RAB27B: variants seen among roughly 807,000 people sequenced by gnomAD.
RAB27B encodes RAB27B, member RAS oncogene family, also known as ras-related protein Rab-27B.
RAB27B carries 15 observed loss-of-function variants against 24.6 expected under a neutral mutation model. The observed-to-expected ratio is 0.61, with a 90% CI of 0.41 to 0.94. RAB27B has a LOEUF of 0.94. Ranked by LOEUF, RAB27B falls within the 40% of genes least tolerant of loss-of-function variation. RAB27B has a pLI of 0.00. For synonymous variants in RAB27B, 105 were observed against 92.5 expected (o/e 1.14, Z -0.78); for missense variants, 261 against 266.8 (o/e 0.98, Z 0.15).
intron 2 of RAB27B, among the ~76,000 whole-genome samples, chr18:54,806,523 A>G (rs1909794918): frequency 6.7e-6 from 1 of 148,308 alleles, no homozygotes; most frequent in Non-Finnish European, 1.5e-5. Flanking sequence ...AATGTTAGTA[A>G]TGATTATATA....
chr18:54,753,882 G>T (rs1306511869), intron 2 of RAB27B, among the ~76,000 whole-genome samples: 1 of 152,030 alleles, frequency 6.6e-6, no homozygotes, highest in African/African-American at 2.4e-5. Context: ...ACACACTTGG[G>T]GTTTAGAAGA....
rs1159492074 is a variant in RAB27B at position 54,891,444 on chromosome 18, A to T, written c.*2031A>T. 6.6e-6 allele frequency: 1 copy of T among 152,042 alleles called. No homozygotes were observed. The highest frequency in any genetic ancestry group is 1.9e-4 in the East Asian group (1 of 5,182). 9.4% of individuals were successfully genotyped at this position (152,042 alleles called of 1,614,324 possible). A position where few individuals can be genotyped will look rare whatever the true frequency, so the allele number is the denominator to read the frequency against. On this transcript the variant is annotated 3_prime_UTR_variant, in exon 6 of 6. Transcript: ENST00000262094. ...TTATCTCAATGCCTGTGCCATGAAG[A>T]TAGAAAACTGTAAGCTAACATTTAA...
chr18:54,865,299 T>G (rs985251710), intron 1 of RAB27B, among the ~76,000 whole-genome samples: 1 of 151,070 alleles, frequency 6.6e-6, no homozygotes, highest in Non-Finnish European at 1.5e-5. Context: ...TAGTTACAAT[T>G]TGCTTTGTTT....
intron 2 of RAB27B, among the ~76,000 whole-genome samples, chr18:54,821,638 G>A (rs7244800): frequency 0.32 from 48,222 of 152,074 alleles, 8,660 homozygotes; most frequent in African/African-American, 0.47. Context: ...GAGGCATCAC[G>A]CCACCTGACT....
At chr18:54,783,959 A>G (rs1365416134) in intron 2 of RAB27B, among the ~76,000 whole-genome samples, 2 of 152,202 alleles carry the variant, frequency 1.3e-5, no homozygotes, top group South Asian at 2.1e-4. Context: ...GGTAGGGTCA[A>G]TGTTACCCAA....
At position 54,893,986 on chromosome 18, in the gene RAB27B, A is replaced by G. The variant is rs1219820554; in HGVS notation, c.*4573A>G. ...ACTAGTAAAAATATCTGAACAAAAA[A>G]CCTTTCGTTGTTGGCATAAAAATGT... On this transcript the variant is annotated 3_prime_UTR_variant, in exon 6 of 6. Transcript: ENST00000262094. The G allele has an allele frequency of 6.6e-6, 1 of 151,700 alleles. No homozygotes were observed. The highest frequency in any genetic ancestry group is 1.5e-5 in the Non-Finnish European group (1 of 67,816). The allele number at this position is 151,700 out of a possible 1,614,324, so 9.4% of individuals were successfully genotyped here. A position where few individuals can be genotyped will look rare whatever the true frequency, so the allele number is the denominator to read the frequency against.
At chr18:54,743,057 G>A (rs1040140142) in intron 2 of RAB27B, among the ~76,000 whole-genome samples, 3 of 152,088 alleles carry the variant, frequency 2.0e-5, no homozygotes, top group African/African-American at 7.2e-5. Context: ...TTTTCTTCCT[G>A]GTCCTGTATA....
At chr18:54,819,237 ATAT>A (rs1910217236) in intron 2 of RAB27B, among the ~76,000 whole-genome samples, 1 of 148,054 alleles carries the variant, frequency 6.8e-6, no homozygotes, top group African/African-American at 2.4e-5. Context: ...GAATTATAAA[ATAT>A]AATACATAAA....
chr18:54,785,872 A>G (rs1384939535), intron 2 of RAB27B, among the ~76,000 whole-genome samples: 1 of 152,226 alleles, frequency 6.6e-6, no homozygotes. Flanking sequence ...AGACAAAACC[A>G]ATACATAAAG....
At chr18:54,879,696 G>A (rs1912844519) in intron 3 of RAB27B, 2 of 449,662 alleles carry the variant, frequency 4.4e-6, no homozygotes, top group Non-Finnish European at 8.0e-6. Context: ...TTCTTGCTAT[G>A]CACTGTCTTT....
At chr18:54,785,638 G>A (rs1909060795) in intron 2 of RAB27B, among the ~76,000 whole-genome samples, 1 of 151,902 alleles carries the variant, frequency 6.6e-6, no homozygotes, top group South Asian at 2.1e-4. Context: ...CAGAATATAA[G>A]CTCCATGAAA....
chr18:54,748,691 A>G (rs1159033918), intron 2 of RAB27B, among the ~76,000 whole-genome samples: 2 of 152,214 alleles, frequency 1.3e-5, no homozygotes, highest in Admixed American at 1.3e-4. Context: ...CATTTTCACA[A>G]ACAGTGGTGA....
intron 1 of RAB27B, among the ~76,000 whole-genome samples, chr18:54,830,695 T>C (rs1423541052): frequency 6.6e-6 from 1 of 152,172 alleles, no homozygotes; most frequent in Non-Finnish European, 1.5e-5. Flanking sequence ...CTATGCATAA[T>C]AACATACCTA....
At chr18:54,844,394 CTTTCT>C (rs1911236226) in intron 1 of RAB27B, among the ~76,000 whole-genome samples, 4 of 120,684 alleles carry the variant, frequency 3.3e-5, no homozygotes, top group Admixed American at 1.0e-4. Context: ...TTCTTTCTTT[CTTTCT>C]TTTCTTTTCT....
At chr18:54,735,558 G>A (rs994450477) in intron 2 of RAB27B, among the ~76,000 whole-genome samples, 1 of 152,038 alleles carries the variant, frequency 6.6e-6, no homozygotes, top group African/African-American at 2.4e-5. Flanking sequence ...GTTTCACTCT[G>A]TTGCCCAGGC....
At position 54,858,748 on chromosome 18, in the gene RAB27B, T is replaced by C. The variant is rs151084172; in HGVS notation, c.-19-18819T>C. On this transcript the variant is annotated intron_variant, in intron 1 of 5. Coordinates refer to ENST00000262094, the MANE Select transcript of RAB27B (RefSeq NM_004163.4). ...GCTCCACTGCTTGCAGTTTAGGTTA[T>C]TGGAAACTTATAAAATAAAATTTGG... 4.0e-3 allele frequency among the ~76,000 whole-genome samples: 605 copies of C among 152,282 alleles called. 3 individuals are homozygous for C. The highest frequency in any genetic ancestry group is 0.014 in the African/African-American group (577 of 41,566).
intron 2 of RAB27B, among the ~76,000 whole-genome samples, chr18:54,723,974 T>C (rs1044171485): frequency 2.0e-5 from 3 of 152,226 alleles, no homozygotes; most frequent in Non-Finnish European, 4.4e-5. Context: ...ATAATCCAAC[T>C]GTTGGATGGC....
At chr18:54,819,531 C>CAAAAAAAAAAAA (rs33940922) in intron 2 of RAB27B, among the ~76,000 whole-genome samples, 2 of 65,176 alleles carry the variant, frequency 3.1e-5, no homozygotes, top group African/African-American at 1.3e-4. Context: ...GACTCCATCT[C>CAAAAAAAAAAAA]AAAAAAAAAA....
intron 2 of RAB27B, among the ~76,000 whole-genome samples, chr18:54,795,210 C>T (rs775704177): frequency 3.3e-5 from 5 of 152,184 alleles, no homozygotes; most frequent in African/African-American, 4.8e-5. Flanking sequence ...TGAGCCCCCC[C>T]ACACCCGCCC....
Sources: gnomAD v4.1 joint callset for allele counts (sites outside exome capture counted in the v4.1 genomes callset) on GRCh38, gnomAD v4.1.1 for gene constraint, MANE v1.5 for transcripts, NCBI Gene and HGNC (gene_info 2026-07-23, HGNC 2026-07-21) for gene names.